The following EYA3 variants were observed in gnomAD, a reference collection of about 807,000 sequenced individuals.
The protein encoded by EYA3 is protein phosphatase EYA3.
EYA3 carries 39 observed loss-of-function variants against 80.0 expected under a neutral mutation model. The observed-to-expected ratio is 0.49, with a 90% CI of 0.38 to 0.64. The LOEUF (loss-of-function observed/expected upper bound fraction) is 0.64, where lower values mean the gene tolerates loss of function less well. Ranked by LOEUF, EYA3 falls within the 30% of genes least tolerant of loss-of-function variation. The probability of loss-of-function intolerance (pLI) is 0.00; values close to 1 mark genes in which losing one functional copy is unlikely to be tolerated. For missense variants in EYA3, 523 were observed against 676.1 expected (o/e 0.77, Z 2.51); for synonymous variants, 206 against 232.8 (o/e 0.88, Z 1.05).
chr1:28,025,292 G>A (rs569828314), intron 7 of EYA3, among the ~76,000 whole-genome samples: 5 of 152,216 alleles, frequency 3.3e-5, no homozygotes, highest in African/African-American at 1.2e-4. Flanking sequence ...ACAATAAAAT[G>A]GGCCAATAGA....
intron 1 of EYA3, among the ~76,000 whole-genome samples, chr1:28,060,549 A>G (rs2148903916): frequency 6.6e-6 from 1 of 152,326 alleles, no homozygotes; most frequent in East Asian, 1.9e-4. Flanking sequence ...TCTTGACATA[A>G]ATTCTGTAAG....
chr1:28,078,472 G>C (rs1018970254), intron 1 of EYA3, among the ~76,000 whole-genome samples: 61 of 152,118 alleles, frequency 4.0e-4, no homozygotes, highest in African/African-American at 1.5e-3. Context: ...ACTATTAATA[G>C]CAAACATTTA....
At chr1:28,078,366 T>C (rs1375298604) in intron 1 of EYA3, among the ~76,000 whole-genome samples, 16 of 152,260 alleles carry the variant, frequency 1.1e-4, no homozygotes, top group Admixed American at 6.5e-4. Flanking sequence ...TCCTGAGCAA[T>C]ATAACATTAA....
chr1:28,068,599 G>A (rs1433430686), intron 1 of EYA3, among the ~76,000 whole-genome samples: 1 of 150,670 alleles, frequency 6.6e-6, no homozygotes, highest in Non-Finnish European at 1.5e-5. Context: ...TGAACAAAGA[G>A]CTACTTCTGA....
rs967936954 is a variant in EYA3 at position 28,020,971 on chromosome 1, C to T, written c.500-3732G>A. On this transcript the variant is annotated intron_variant, in intron 7 of 17. Transcript: ENST00000373871. ...TGAGAACCAGGCCCCACTAGATGTC[C>T]GCTTAAAACAGACAATATACAGATA... Among the ~76,000 whole-genome samples the T allele has an allele frequency of 2.6e-5, 4 of 151,984 alleles. 1 individual carries two copies. The highest frequency in any genetic ancestry group is 4.1e-4 in the South Asian group (2 of 4,830).
intron 1 of EYA3, among the ~76,000 whole-genome samples, chr1:28,058,956 T>G (rs1440140252): frequency 6.6e-6 from 1 of 152,218 alleles, no homozygotes; most frequent in African/African-American, 2.4e-5. Flanking sequence ...TCCCAAAAGA[T>G]GTGATTGCTT....
chr1:28,042,647 T>G lies in EYA3; in HGVS notation c.81A>C (p.Gln27His), dbSNP rs148611688. ...GATCACTGACATCTGGATTGCTTAC[T>G]TGACTGGGAGAACCAAAATGAATAC... ...MQESGEQTIS[Q>H]VSNPDVSDQK... The change falls in exon 4 of 18, where the codon CAA (glutamine) becomes CAC (histidine). Residue 27 changes from glutamine to histidine, a missense_variant. Physicochemically the swap from Gln to His is conservative, Grantham distance 24 (BLOSUM62 0). Coordinates refer to ENST00000373871, the MANE Select transcript of EYA3 (RefSeq NM_001990.4). 24 of 1,614,048 alleles carry G rather than the reference T, an allele frequency of 1.5e-5. No homozygotes were observed. The African/African-American group carries it at 2.7e-4, about 18-fold the overall frequency.
chr1:27,994,671 A>G (rs549633959), intron 13 of EYA3, among the ~76,000 whole-genome samples: 94 of 152,258 alleles, frequency 6.2e-4, no homozygotes, highest in African/African-American at 2.1e-3. Flanking sequence ...TGCGGGGGGA[A>G]AAGAACTACC....
intron 4 of EYA3, among the ~76,000 whole-genome samples, chr1:28,041,999 A>C (rs983366740): frequency 6.6e-6 from 1 of 152,212 alleles, no homozygotes; most frequent in African/African-American, 2.4e-5. Context: ...CAAAATGGAC[A>C]GTTTCCCAAT....
chr1:28,069,038 C>T (rs1290642207), intron 1 of EYA3, among the ~76,000 whole-genome samples: 1 of 152,180 alleles, frequency 6.6e-6, no homozygotes, highest in Admixed American at 6.5e-5. Context: ...AACTCCTGGT[C>T]TCAAGTGATC....
At chr1:28,025,527 C>G (rs2790719) in intron 7 of EYA3, among the ~76,000 whole-genome samples, 143,299 of 152,244 alleles carry the variant, frequency 0.94, 68,007 homozygotes, top group East Asian at 1. Flanking sequence ...CTCTCCCTCT[C>G]TAAAATGAGG....
chr1:28,076,476 C>T lies in EYA3; in HGVS notation c.-69+12048G>A, dbSNP rs949459894. 3.3e-5 allele frequency among the ~76,000 whole-genome samples: 5 copies of T among 151,550 alleles called. No individual in the cohort carries two copies. In the East Asian group the frequency reaches 7.8e-4, roughly 24 times the overall value. On this transcript the variant is annotated intron_variant, in intron 1 of 17. Coordinates refer to ENST00000373871, the MANE Select transcript of EYA3 (RefSeq NM_001990.4). ...CTGTAATCCCAGCACTTTGGTAGGC[C>T]GAGGTGGGTGGATTACTTGAGGTCA...
Position 28,013,951 on chromosome 1 carries a change from T to C in EYA3, c.586-657A>G, listed in dbSNP as rs1361625881. On this transcript the variant is annotated intron_variant, in intron 8 of 17. Coordinates refer to ENST00000373871, the MANE Select transcript of EYA3 (RefSeq NM_001990.4). The surrounding 1 kb of genome is among the most constrained non-coding windows in gnomAD (Gnocchi z 4.0). ...GGTGGCACATGCCTGAAATCCCAGC[T>C]ACTTGGGAGGCTAAGGCACAAGAAT... 6.6e-6 allele frequency among the ~76,000 whole-genome samples: 1 copy of C among 152,060 alleles called. No homozygotes were observed. The highest frequency in any genetic ancestry group is 1.9e-4 in the East Asian group (1 of 5,186).
Position 27,997,926 on chromosome 1 carries a change from T to A in EYA3, c.1084-548A>T, listed in dbSNP as rs1002894325. Among the ~76,000 whole-genome samples, 3 of 152,228 alleles carry A rather than the reference T, an allele frequency of 2.0e-5. No homozygotes were observed. In the East Asian group the frequency reaches 5.8e-4, roughly 29 times the overall value. On this transcript the variant is annotated intron_variant, in intron 12 of 17. Transcript: ENST00000373871. ...AATCAATCTCCTCATGTTTTAAAAGTGAGGTGAAATGATTTTCTCAAAGTC... is the reference window on the plus strand; with the variant it reads ...AATCAATCTCCTCATGTTTTAAAAGAGAGGTGAAATGATTTTCTCAAAGTC...
rs1243641578 is a variant in EYA3 at position 27,971,351 on chromosome 1, T to C, written c.*3115A>G. ...GCTCATGCCTGTAATCCCAGCACTT[T>C]GGGAGGCCAAGGTGAGCAGATCACC... On this transcript the variant is annotated 3_prime_UTR_variant, in exon 18 of 18. Transcript: ENST00000373871. 6.6e-6 allele frequency: 1 copy of C among 152,404 alleles called. No homozygotes were observed. Among genetic ancestry groups the C allele is most frequent in the Admixed American group, 6.6e-5 (1 of 15,264 alleles). 9.4% of individuals were successfully genotyped at this position (152,404 alleles called of 1,614,324 possible).
chr1:28,030,320 TC>T (rs1278204458), intron 6 of EYA3, among the ~76,000 whole-genome samples: 1 of 152,158 alleles, frequency 6.6e-6, no homozygotes, highest in African/African-American at 2.4e-5. Flanking sequence ...TGAGACAAGG[TC>T]TTGCTCTGTT....
intron 3 of EYA3, 62 bp downstream of exon 3, chr1:28,048,321 A>G: frequency 8.3e-7 from 1 of 1,202,332 alleles, no homozygotes; most frequent in Non-Finnish European, 1.2e-6. Context: ...GCTAATCAGC[A>G]TGTGAAAAAA....
At chr1:27,977,400 A>C (rs2148699166) in intron 17 of EYA3, 1 of 1,549,572 alleles carries the variant, frequency 6.5e-7, no homozygotes, top group Non-Finnish European at 8.7e-7. Flanking sequence ...CTGGAAGAAA[A>C]TAAATTGGGA....
intron 6 of EYA3, chr1:28,031,950 A>T (rs947185099): frequency 7.9e-5 from 12 of 151,916 alleles, no homozygotes; most frequent in Admixed American, 1.3e-4. Flanking sequence ...TGATCCCACT[A>T]CTGATCAGCA....
Sources: gnomAD v4.1 joint callset for allele counts (sites outside exome capture counted in the v4.1 genomes callset) on GRCh38, gnomAD v4.1.1 for gene constraint, Gnocchi (gnomAD v3.1) non-coding constraint, MANE v1.5 for transcripts, NCBI Gene and HGNC (gene_info 2026-07-23, HGNC 2026-07-21) for gene names.